RSPH14: variants seen among roughly 807,000 people sequenced by gnomAD.
RSPH14 encodes the protein radial spoke head 14 homolog, also known as rhabdoid tumor deletion region gene 1.
Under a neutral mutation model 26.7 loss-of-function variants are expected in RSPH14, and 20 were observed. The ratio of observed to expected loss-of-function variants is 0.75; its 90% CI spans 0.53 to 1.09. The LOEUF (loss-of-function observed/expected upper bound fraction) is 1.09, where lower values mean the gene tolerates loss of function less well. Among genes scored for constraint, RSPH14 ranks in the 50% least tolerant of loss-of-function variants. RSPH14 has a pLI of 0.00. For synonymous variants in RSPH14, 177 were observed against 189.3 expected (o/e 0.93, Z 0.53); for missense variants, 449 against 457.2 (o/e 0.98, Z 0.16).
Position 23,125,888 on chromosome 22 carries a change from C to T in RSPH14, c.421+8138G>A, listed in dbSNP as rs529654629. On this transcript the variant is annotated intron_variant, in intron 4 of 6. Coordinates refer to ENST00000216036, the MANE Select transcript of RSPH14 (RefSeq NM_014433.3). Reference sequence around the variant, plus strand: ...CTCCTCCTCAAAGCAGGACCTCAAGCAAAGTGGGGGGTCGGCAGGCACACA... The same window carrying T: ...CTCCTCCTCAAAGCAGGACCTCAAGTAAAGTGGGGGGTCGGCAGGCACACA... Among the ~76,000 whole-genome samples the T allele has an allele frequency of 2.1e-3, 317 of 152,320 alleles. 2 individuals are homozygous for T. Among genetic ancestry groups the T allele is most frequent in the Non-Finnish European group, 1.6e-3 (109 of 68,040 alleles).
At chr22:23,073,674 A>T (rs192194983) in intron 4 of RSPH14, among the ~76,000 whole-genome samples, 11 of 152,320 alleles carry the variant, frequency 7.2e-5, no homozygotes, top group African/African-American at 2.6e-4. Flanking sequence ...CAGATCCTAG[A>T]GCACATAGGA....
the RSPH14 span, chr22:23,179,963 G>A: frequency 6.4e-6 from 2 of 310,174 alleles, no homozygotes; most frequent in South Asian, 5.7e-5. Flanking sequence ...GGCCAGATCT[G>A]CCTGGTCTTG....
chr22:23,076,804 C>T (rs2068516998), intron 4 of RSPH14, among the ~76,000 whole-genome samples: 1 of 152,108 alleles, frequency 6.6e-6, no homozygotes, highest in African/African-American at 2.4e-5. Context: ...TCCAGGTGGC[C>T]CCTGTGCCCC....
chr22:23,130,476 GA>G (rs1386910742), intron 4 of RSPH14, among the ~76,000 whole-genome samples: 1 of 7,872 alleles, frequency 1.3e-4, no homozygotes, highest in Non-Finnish European at 2.0e-4. Flanking sequence ...AAAAAGAAAA[GA>G]GAAAGAAAGA....
Position 23,140,349 on chromosome 22 carries a change from G to C in RSPH14, c.72C>G (p.Gly24=), listed in dbSNP as rs778216017. 5 of 1,614,110 alleles carry C rather than the reference G, an allele frequency of 3.1e-6. No individual in the cohort carries two copies. In the Admixed American group the frequency reaches 8.3e-5, roughly 27 times the overall value. Residue 24 remains glycine, a synonymous_variant, in exon 2 of 7, where the codon GGC becomes GGG. Transcript: ENST00000216036. ...CCTTCAGCTTGGGCAGGGCCCGATG[G>C]CCATAGGCAGTGGTAATCTGGGTGG... ...INATQITTAY[G]HRALPKLKEE...
At chr22:23,153,277 T>G in the RSPH14 span, 18 of 686,174 alleles carry the variant, frequency 2.6e-5, no homozygotes, top group Middle Eastern at 4.0e-4. Flanking sequence ...GACACTTAGC[T>G]TCCTGGCTCC....
intron 4 of RSPH14, among the ~76,000 whole-genome samples, chr22:23,070,039 T>C (rs1467922675): frequency 6.6e-6 from 1 of 152,034 alleles, no homozygotes; most frequent in African/African-American, 2.4e-5. Context: ...AGGTGGCCCC[T>C]GGGGCTCGGC....
the RSPH14 span, among the ~76,000 whole-genome samples, chr22:23,173,412 GCATCAGCCACTGTGCCTGGCCTTCTTTT>G: frequency 2.6e-5 from 4 of 151,782 alleles, no homozygotes; most frequent in African/African-American, 9.7e-5. Flanking sequence ...GAGATTACAG[GCATCAGCCACTGTGCCTGGCCTTCTTTT>G]CATTTATTTA....
upstream of RSPH14, among the ~76,000 whole-genome samples, chr22:23,144,378 G>T (rs565724511): frequency 1.3e-5 from 2 of 152,198 alleles, no homozygotes; most frequent in African/African-American, 2.4e-5. Context: ...TAGGACAAAT[G>T]AATAGTTAAT....
At chr22:23,150,304 CTTTTTTTTTT>C in the RSPH14 span, 1 of 444,524 alleles carries the variant, frequency 2.2e-6, no homozygotes, top group Non-Finnish European at 4.1e-6. Flanking sequence ...TTTTTTTTTT[CTTTTTTTTTT>C]TTTTTGAGAC....
the RSPH14 span, among the ~76,000 whole-genome samples, chr22:23,178,633 T>A: frequency 1.5e-4 from 23 of 152,186 alleles, no homozygotes; most frequent in Non-Finnish European, 2.6e-4. Context: ...AGGGCAGCAG[T>A]GAGCTGCGCA....
the RSPH14 span, among the ~76,000 whole-genome samples, chr22:23,174,156 G>C: frequency 6.6e-6 from 1 of 152,116 alleles, no homozygotes; most frequent in African/African-American, 2.4e-5. Context: ...CCTCCGGGAG[G>C]GGTTTGCTGG....
At chr22:23,105,720 A>G (rs1228983415) in intron 4 of RSPH14, among the ~76,000 whole-genome samples, 2 of 152,244 alleles carry the variant, frequency 1.3e-5, no homozygotes, top group Non-Finnish European at 2.9e-5. Context: ...TCTACAACAC[A>G]CCTGTATCAT....
chr22:23,155,895 T>C, the RSPH14 span: 1 of 1,404,464 alleles, frequency 7.1e-7, no homozygotes, highest in Non-Finnish European at 9.7e-7. Context: ...CATGGTCCCG[T>C]AGCCTGTTGG....
At chr22:23,078,968 C>T (rs1296578667) in intron 4 of RSPH14, among the ~76,000 whole-genome samples, 1 of 152,196 alleles carries the variant, frequency 6.6e-6, no homozygotes, top group African/African-American at 2.4e-5. Context: ...TCCAGAAGAC[C>T]TCCCAGAAGT....
chr22:23,107,865 T>C lies in RSPH14; in HGVS notation c.421+26161A>G, dbSNP rs1418711353. Among the ~76,000 whole-genome samples, 4 of 152,172 alleles carry C rather than the reference T, an allele frequency of 2.6e-5. No individual in the cohort carries two copies. In the South Asian group the frequency reaches 6.2e-4, roughly 24 times the overall value. On this transcript the variant is annotated intron_variant, in intron 4 of 6. Coordinates refer to ENST00000216036, the MANE Select transcript of RSPH14 (RefSeq NM_014433.3). ...CAGTCTGTTCTGCCAGATTGACCCA[T>C]TGACCGACGAAGCCACAGTGAGGAA...
chr22:23,145,242 G>C, upstream of RSPH14: 5 of 837,614 alleles, frequency 6.0e-6, no homozygotes, highest in South Asian at 4.7e-5. Context: ...GGCCTCCATA[G>C]CCCCGCCCAC....
At chr22:23,102,302 A>G (rs1196438430) in intron 4 of RSPH14, among the ~76,000 whole-genome samples, 1 of 152,074 alleles carries the variant, frequency 6.6e-6, no homozygotes, top group Non-Finnish European at 1.5e-5. Context: ...CCAAGATGGG[A>G]GGGGGATGAG....
At chr22:23,110,308 A>G (rs1424937879) in intron 4 of RSPH14, among the ~76,000 whole-genome samples, 4 of 152,072 alleles carry the variant, frequency 2.6e-5, no homozygotes, top group Admixed American at 1.3e-4. Context: ...CTCGGAGGTG[A>G]ACAGAACTGG....
Sources: gnomAD v4.1 joint callset for allele counts (sites outside exome capture counted in the v4.1 genomes callset) on GRCh38, gnomAD v4.1.1 for gene constraint, MANE v1.5 for transcripts, NCBI Gene and HGNC (gene_info 2026-07-23, HGNC 2026-07-21) for gene names.